The following PSMA1 variants were observed in gnomAD, a reference collection of about 807,000 sequenced individuals.
PSMA1 encodes proteasome subunit alpha type-1.
PSMA1 carries 3 observed loss-of-function variants against 38.4 expected under a neutral mutation model. That is an observed-to-expected ratio of 0.08 (90% confidence interval 0.04 to 0.20). PSMA1 has a LOEUF of 0.20. PSMA1 is among the 10% of genes least tolerant of loss of function. The probability of loss-of-function intolerance (pLI) is 1.00; values close to 1 mark genes in which losing one functional copy is unlikely to be tolerated. For synonymous variants in PSMA1, 101 were observed against 107.1 expected (o/e 0.94, Z 0.35); for missense variants, 227 against 325.3 (o/e 0.70, Z 2.32).
chr11:14,517,672 G>T lies in PSMA1; in HGVS notation c.224C>A (p.Ala75Glu). 6.2e-7 allele frequency: 1 copy of T among 1,603,798 alleles called. No homozygotes were observed. The change falls in exon 4 of 10, where the codon GCG becomes GAG. Residue 75 changes from alanine (A) to glutamate (E), a missense_variant. Coordinates refer to ENST00000396394, the MANE Select transcript of PSMA1 (RefSeq NM_002786.4). ...CAGTCTAGCATCAGCAGTAAGCCCCGCAATTGAGATACCAATATGGTTGTC... is the reference window on the plus strand; with the variant it reads ...CAGTCTAGCATCAGCAGTAAGCCCCTCAATTGAGATACCAATATGGTTGTC... ...HVDNHIGISI[A>E]GLTADARLLC...
At chr11:14,630,091 A>T (rs1382174933) in intron 1 of PSMA1, among the ~76,000 whole-genome samples, 1 of 152,138 alleles carries the variant, frequency 6.6e-6, no homozygotes, top group Non-Finnish European at 1.5e-5. Context: ...TTCTAGATAT[A>T]CAATCATGTC....
At chr11:14,585,883 A>C (rs1852340037) in intron 2 of PSMA1, among the ~76,000 whole-genome samples, 1 of 152,178 alleles carries the variant, frequency 6.6e-6, no homozygotes, top group Non-Finnish European at 1.5e-5. Flanking sequence ...CAGAAAAAAA[A>C]AATCTGGTGT....
At chr11:14,562,723 C>T (rs369118887) in intron 2 of PSMA1, among the ~76,000 whole-genome samples, 1 of 151,732 alleles carries the variant, frequency 6.6e-6, no homozygotes, top group Non-Finnish European at 1.5e-5. Context: ...CTCCTGGGCT[C>T]AAGCGATCCT....
At chr11:14,628,180 ATTATAC>A (rs1021765399) in intron 1 of PSMA1, among the ~76,000 whole-genome samples, 14 of 151,092 alleles carry the variant, frequency 9.3e-5, no homozygotes. Context: ...TTTTTTTTTT[ATTATAC>A]TTTAAGTTTT....
chr11:14,514,239 A>T (rs1851391103), intron 5 of PSMA1, 164 bp downstream of exon 5: 1 of 1,369,228 alleles, frequency 7.3e-7, no homozygotes, highest in Non-Finnish European at 9.4e-7. Context: ...GTGTCTAGCA[A>T]ATATAAATTG....
intron 2 of PSMA1, among the ~76,000 whole-genome samples, chr11:14,582,446 G>A (rs10160597): frequency 0.31 from 46,147 of 149,548 alleles, 8,082 homozygotes; most frequent in South Asian, 0.44. Context: ...CTGGACACAG[G>A]GCAAGCAAAA....
upstream of PSMA1, among the ~76,000 whole-genome samples, chr11:14,521,537 ACACTTTGGAAG>A (rs1482634993): frequency 6.6e-6 from 1 of 151,090 alleles, no homozygotes; most frequent in African/African-American, 2.4e-5. Flanking sequence ...TGTAATCCCA[ACACTTTGGAAG>A]GCAGAGGCGG....
At chr11:14,572,669 C>T (rs1342356216) in intron 2 of PSMA1, among the ~76,000 whole-genome samples, 1 of 152,032 alleles carries the variant, frequency 6.6e-6, no homozygotes, top group African/African-American at 2.4e-5. Context: ...AAGATCAGAG[C>T]AGAACTGAAG....
At chr11:14,544,201 C>T (rs996826297) in intron 2 of PSMA1, among the ~76,000 whole-genome samples, 10 of 152,024 alleles carry the variant, frequency 6.6e-5, no homozygotes, top group Non-Finnish European at 1.2e-4. Flanking sequence ...GGCTAATTTT[C>T]GTATTTTTTG....
At chr11:14,630,950 C>T (rs373439068) in intron 1 of PSMA1, among the ~76,000 whole-genome samples, 27 of 152,116 alleles carry the variant, frequency 1.8e-4, no homozygotes, top group Admixed American at 8.5e-4. Context: ...AGTTTATTTG[C>T]GTAGAGGTGT....
intron 2 of PSMA1, among the ~76,000 whole-genome samples, chr11:14,610,658 T>C (rs1852698202): frequency 6.6e-6 from 1 of 152,246 alleles, no homozygotes; most frequent in African/African-American, 2.4e-5. Context: ...TAGTGTTATA[T>C]ATCCCTCCTT....
intron 2 of PSMA1, among the ~76,000 whole-genome samples, chr11:14,528,981 C>T (rs1185454484): frequency 6.6e-6 from 1 of 151,966 alleles, no homozygotes; most frequent in Non-Finnish European, 1.5e-5. Context: ...GGACTCAGCC[C>T]GCCTGCACCC....
intron 1 of PSMA1, among the ~76,000 whole-genome samples, chr11:14,613,531 GGCGTGA>G (rs1852734500): frequency 6.6e-6 from 1 of 152,116 alleles, no homozygotes; most frequent in Admixed American, 6.5e-5. Flanking sequence ...TGGGATTATA[GGCGTGA>G]GCACTGTGCC....
intron 2 of PSMA1, among the ~76,000 whole-genome samples, chr11:14,600,419 C>A (rs570125587): frequency 6.6e-6 from 1 of 152,152 alleles, no homozygotes; most frequent in South Asian, 2.1e-4. Context: ...AGTTTCCCAC[C>A]GCTTTTTTAC....
At chr11:14,553,656 T>C (rs749386668) in intron 2 of PSMA1, among the ~76,000 whole-genome samples, 9 of 152,290 alleles carry the variant, frequency 5.9e-5, no homozygotes, top group Non-Finnish European at 1.3e-4. Context: ...TAATAGATTG[T>C]TTCTTTTTAT....
intron 2 of PSMA1, among the ~76,000 whole-genome samples, chr11:14,577,349 G>A (rs936066455): frequency 6.6e-6 from 1 of 152,260 alleles, no homozygotes; most frequent in African/African-American, 2.4e-5. Flanking sequence ...AGTGAAGGCA[G>A]GATCTGAACT....
intron 7 of PSMA1, among the ~76,000 whole-genome samples, chr11:14,511,902 A>C (rs1288076009): frequency 1.3e-5 from 2 of 152,258 alleles, no homozygotes; most frequent in African/African-American, 4.8e-5. Flanking sequence ...AAACAAGTTC[A>C]GCAAGATTGC....
intron 1 of PSMA1, among the ~76,000 whole-genome samples, chr11:14,635,993 T>C (rs1015932424): frequency 6.6e-6 from 1 of 152,212 alleles, no homozygotes; most frequent in Non-Finnish European, 1.5e-5. Flanking sequence ...TCCATTATTT[T>C]AAACTTATTT....
At chr11:14,635,432 G>A (rs1853102555) in intron 1 of PSMA1, among the ~76,000 whole-genome samples, 2 of 152,210 alleles carry the variant, frequency 1.3e-5, no homozygotes, top group Non-Finnish European at 2.9e-5. Context: ...TAATTCTAGT[G>A]AAGATTGATG....
Sources: gnomAD v4.1 joint callset for allele counts (sites outside exome capture counted in the v4.1 genomes callset) on GRCh38, gnomAD v4.1.1 for gene constraint, MANE v1.5 for transcripts, NCBI Gene and HGNC (gene_info 2026-07-23, HGNC 2026-07-21) for gene names.